TBCK: variants seen among roughly 807,000 people sequenced by gnomAD.
TBCK encodes the protein TBC domain-containing protein kinase-like protein.
In TBCK, 99 loss-of-function variants were observed where a neutral mutation model predicts 113.4. That is an observed-to-expected ratio of 0.87 (90% CI 0.74 to 1.03). TBCK has a LOEUF of 1.03. Among genes scored for constraint, TBCK ranks in the 50% least tolerant of loss-of-function variants. TBCK has a pLI of 0.00. For synonymous variants in TBCK, 369 were observed against 370.8 expected, an observed-to-expected ratio of 1.00 and a Z score of 0.05; for missense variants, 1,045 against 1,061.3, an observed-to-expected ratio of 0.98 and a Z score of 0.21.
chr4:106,311,200 TACACACACACACACACACAC>T (rs36011277), intron 1 of TBCK, among the ~76,000 whole-genome samples: 36 of 138,288 alleles, frequency 2.6e-4, no homozygotes, highest in Admixed American at 9.5e-4. Flanking sequence ...CAGAAACTCC[TACACACACACACACACACAC>T]ACACACACAC....
At position 106,041,748 on chromosome 4, in the gene TBCK, C is replaced by T. The variant is rs1022078567; in HGVS notation, c.*4822G>A. On this transcript the variant is annotated 3_prime_UTR_variant, in exon 26 of 26. Transcript: ENST00000394708. Reference sequence around the variant, plus strand: ...TAACAACTTAAAAGGAGACATTAGGCCTGAAAGTCACCGTAGAAGCTATAC... The same window carrying T: ...TAACAACTTAAAAGGAGACATTAGGTCTGAAAGTCACCGTAGAAGCTATAC... The T allele has an allele frequency of 1.3e-5, 2 of 152,110 alleles. No homozygotes were observed. The highest frequency in any genetic ancestry group is 4.8e-5 in the African/African-American group (2 of 41,414). The allele number at this position is 152,110 out of a possible 1,614,324, so 9.4% of individuals were successfully genotyped here.
At chr4:106,159,758 A>C (rs1749545334) in intron 23 of TBCK, among the ~76,000 whole-genome samples, 3 of 152,098 alleles carry the variant, frequency 2.0e-5, no homozygotes, top group Admixed American at 1.3e-4. Context: ...TGATGTTTTT[A>C]GCAGAAATAG....
intron 2 of TBCK, among the ~76,000 whole-genome samples, chr4:106,302,428 C>A (rs572830246): frequency 6.6e-6 from 1 of 152,166 alleles, no homozygotes; most frequent in Non-Finnish European, 1.5e-5. Flanking sequence ...CAAAGAGAAT[C>A]ATGCTATAAC....
At chr4:106,245,185 C>T (rs1760659255) in intron 10 of TBCK, among the ~76,000 whole-genome samples, 1 of 152,120 alleles carries the variant, frequency 6.6e-6, no homozygotes, top group Non-Finnish European at 1.5e-5. Flanking sequence ...CAGAGGGAAC[C>T]AGTCAAAAGG....
chr4:106,259,641 G>A (rs931138669), intron 5 of TBCK, among the ~76,000 whole-genome samples: 15 of 151,706 alleles, frequency 9.9e-5, no homozygotes, highest in South Asian at 2.1e-4. Flanking sequence ...ATATATGCTC[G>A]GAGAAAAAAC....
At chr4:106,294,084 T>A (rs904107772) in intron 3 of TBCK, among the ~76,000 whole-genome samples, 2 of 152,234 alleles carry the variant, frequency 1.3e-5, no homozygotes, top group African/African-American at 4.8e-5. Flanking sequence ...AAGCTATGAT[T>A]AATATTTCTC....
At chr4:106,292,708 T>C (rs1765856046) in intron 3 of TBCK, among the ~76,000 whole-genome samples, 1 of 152,184 alleles carries the variant, frequency 6.6e-6, no homozygotes, top group Non-Finnish European at 1.5e-5. Context: ...GGCCAGAGTT[T>C]TGAGTTATGA....
At chr4:106,152,876 C>T (rs1000636682) in intron 23 of TBCK, among the ~76,000 whole-genome samples, 5 of 151,876 alleles carry the variant, frequency 3.3e-5, no homozygotes, top group Admixed American at 6.6e-5. Flanking sequence ...TATAGTTGCT[C>T]GCAGCAGCTG....
intron 3 of TBCK, among the ~76,000 whole-genome samples, chr4:106,276,530 A>C (rs1457999607): frequency 6.6e-6 from 1 of 152,130 alleles, no homozygotes; most frequent in African/African-American, 2.4e-5. Flanking sequence ...TGGGTAACAC[A>C]GTGAGAGCCT....
At chr4:106,059,655 A>G (rs2149458282) in intron 25 of TBCK, among the ~76,000 whole-genome samples, 1 of 151,870 alleles carries the variant, frequency 6.6e-6, no homozygotes, top group African/African-American at 2.4e-5. Flanking sequence ...AAAAATATTA[A>G]AATTAGGCCA....
chr4:106,080,481 G>A (rs1327517683), intron 25 of TBCK, among the ~76,000 whole-genome samples: 1 of 152,152 alleles, frequency 6.6e-6, no homozygotes, highest in Admixed American at 6.5e-5. Context: ...GCAGAAGATT[G>A]AAACTGGATC....
At chr4:106,275,380 G>GT (rs59080323) in intron 3 of TBCK, among the ~76,000 whole-genome samples, 2,771 of 152,086 alleles carry the variant, frequency 0.018, 78 homozygotes, top group African/African-American at 0.061. Flanking sequence ...AGGAAATATT[G>GT]ACCATTCAAT....
chr4:106,185,497 T>C (rs1752912884), intron 22 of TBCK, among the ~76,000 whole-genome samples: 1 of 152,110 alleles, frequency 6.6e-6, no homozygotes, highest in African/African-American at 2.4e-5. Context: ...TACCCATGTT[T>C]AATCATTCTA....
At chr4:106,258,210 T>C (rs1009989482) in intron 5 of TBCK, among the ~76,000 whole-genome samples, 1 of 152,102 alleles carries the variant, frequency 6.6e-6, no homozygotes, top group African/African-American at 2.4e-5. Context: ...AGAACTTTGC[T>C]GTGAGTATGA....
rs372591117 is a variant in TBCK, at chr4:106,213,480, A to C, written c.1775-645T>G. ...ACCGGGTTCATCTCACTAGGGAGTG[A>C]CAGACAGTGGGCGCAGGCAAGTGGG... is the stretch of plus-strand genomic sequence containing the variant. On this transcript the variant is annotated intron_variant, in intron 19 of 25. Transcript: ENST00000394708. The C allele has an allele frequency of 1.0e-3, 168 of 163,152 alleles. 1 individual carries two copies. In the East Asian group the frequency reaches 0.021, roughly 21 times the overall value. 10.1% of individuals were successfully genotyped at this position (163,152 alleles called of 1,614,324 possible).
chr4:106,211,343 T>C (rs1756106886), intron 20 of TBCK, among the ~76,000 whole-genome samples: 1 of 152,112 alleles, frequency 6.6e-6, no homozygotes, highest in Non-Finnish European at 1.5e-5. Flanking sequence ...TCCAACAGCC[T>C]TTTATTTTTA....
At chr4:106,294,607 G>A (rs775490127) in intron 3 of TBCK, among the ~76,000 whole-genome samples, 8 of 151,748 alleles carry the variant, frequency 5.3e-5, no homozygotes, top group Non-Finnish European at 1.2e-4. Context: ...TCAGCCTCCT[G>A]AGTAGCTGGG....
intron 22 of TBCK, among the ~76,000 whole-genome samples, chr4:106,177,674 C>T (rs1012038409): frequency 2.0e-5 from 3 of 151,622 alleles, no homozygotes; most frequent in African/African-American, 7.3e-5. Context: ...TTATCTATTC[C>T]ATTTCATTGG....
At chr4:106,159,985 A>G (rs1749569417) in intron 23 of TBCK, among the ~76,000 whole-genome samples, 1 of 152,088 alleles carries the variant, frequency 6.6e-6, no homozygotes, top group Admixed American at 6.6e-5. Context: ...ATATGGTCAA[A>G]TAAGTTCTGA....
Sources: allele counts gnomAD v4.1 joint callset (sites outside exome capture counted in the v4.1 genomes callset), GRCh38; gene constraint gnomAD v4.1.1; transcripts MANE v1.5; gene names NCBI Gene and HGNC (gene_info 2026-07-23, HGNC 2026-07-21).